DCDC1: variants seen among roughly 807,000 people sequenced by gnomAD.
DCDC1 encodes the protein doublecortin domain containing 1.
DCDC1 carries 200 observed loss-of-function variants against 178.3 expected under a neutral mutation model. That is an observed-to-expected ratio of 1.12 (90% CI 1.00 to 1.26). The LOEUF (loss-of-function observed/expected upper bound fraction) is 1.26, where lower values mean the gene tolerates loss of function less well. Among genes scored for constraint, DCDC1 ranks in the 50% most tolerant of loss-of-function variants. The pLI is 0.00. For synonymous variants in DCDC1, 690 were observed against 604.8 expected (o/e 1.14, Z -2.07); for missense variants, 1,983 against 1,749.2 (o/e 1.13, Z -2.38).
chr11:31,024,882 C>T (rs1270094140), intron 20 of DCDC1, among the ~76,000 whole-genome samples: 3 of 151,716 alleles, frequency 2.0e-5, no homozygotes, highest in Non-Finnish European at 3.0e-5. Context: ...CCCCCATGGT[C>T]GCGGCCTTGT....
rs577411437 is a variant in DCDC1, at chr11:30,989,912, G to A, written c.2592-37344C>T. On this transcript the variant is annotated intron_variant, in intron 20 of 38. Transcript: ENST00000684477. ...TGACAGGAAGAGACAATCCAGGGAA[G>A]ACTCGTGTCTTAATTTGGAGAGGTG... is the stretch of plus-strand genomic sequence containing the variant. Among the ~76,000 whole-genome samples, 34 of 152,230 alleles carry A rather than the reference G, an allele frequency of 2.2e-4. 1 individual carries two copies. The South Asian group carries it at 6.8e-3, about 31-fold the overall frequency.
At chr11:31,010,700 C>T (rs1345909451) in intron 20 of DCDC1, among the ~76,000 whole-genome samples, 3 of 152,094 alleles carry the variant, frequency 2.0e-5, no homozygotes, top group Admixed American at 2.0e-4. Context: ...ATAAACTGAC[C>T]TAACCAAATT....
intron 3 of DCDC1, among the ~76,000 whole-genome samples, chr11:31,323,407 T>G (rs754705262): frequency 6.6e-6 from 1 of 152,248 alleles, no homozygotes; most frequent in Non-Finnish European, 1.5e-5. Flanking sequence ...AGAATTTTTA[T>G]GGATAGCAAT....
chr11:31,085,626 T>C (rs1273253797), intron 17 of DCDC1, among the ~76,000 whole-genome samples: 1 of 152,176 alleles, frequency 6.6e-6, no homozygotes, highest in East Asian at 1.9e-4. Context: ...TGTTCACCTA[T>C]GGATGGGATG....
intron 6 of DCDC1, among the ~76,000 whole-genome samples, chr11:31,302,807 T>C (rs1024711825): frequency 1.8e-4 from 27 of 152,182 alleles, no homozygotes; most frequent in Non-Finnish European, 5.9e-5. Flanking sequence ...TATAGGATTT[T>C]TTCTGTCTTA....
intron 2 of DCDC1, among the ~76,000 whole-genome samples, chr11:31,332,551 T>A (rs911022061): frequency 3.3e-5 from 5 of 152,238 alleles, no homozygotes; most frequent in Non-Finnish European, 5.9e-5. Context: ...CTGCTTTAAA[T>A]GTGTCCCAGA....
chr11:30,962,197 T>G (rs1949143493), intron 20 of DCDC1, among the ~76,000 whole-genome samples: 1 of 152,116 alleles, frequency 6.6e-6, no homozygotes, highest in South Asian at 2.1e-4. Context: ...AAGCCAAAAT[T>G]TACAAAGATC....
At chr11:30,977,848 T>C (rs949643236) in intron 20 of DCDC1, among the ~76,000 whole-genome samples, 1 of 152,170 alleles carries the variant, frequency 6.6e-6, no homozygotes, top group African/African-American at 2.4e-5. Flanking sequence ...GAGGATGACT[T>C]GAGCCCAGGA....
At chr11:31,155,157 A>C (rs1965591190) in intron 9 of DCDC1, among the ~76,000 whole-genome samples, 1 of 152,228 alleles carries the variant, frequency 6.6e-6, no homozygotes, top group Non-Finnish European at 1.5e-5. Flanking sequence ...GAATCTGGAT[A>C]CTAAAGAGGA....
intron 17 of DCDC1, among the ~76,000 whole-genome samples, chr11:31,080,960 C>T (rs773361007): frequency 6.6e-6 from 1 of 152,080 alleles, no homozygotes; most frequent in Non-Finnish European, 1.5e-5. Flanking sequence ...GTCTTTTTAT[C>T]GAATTACGGT....
At chr11:31,046,615 G>GAAAAA (rs4067329) in intron 20 of DCDC1, among the ~76,000 whole-genome samples, 1,466 of 140,454 alleles carry the variant, frequency 0.01, 16 homozygotes, top group Non-Finnish European at 0.015. Context: ...GCCTCAGTAA[G>GAAAAA]AAAAAAAAAA....
At chr11:31,255,637 C>T (rs987450920) in intron 8 of DCDC1, among the ~76,000 whole-genome samples, 2 of 152,086 alleles carry the variant, frequency 1.3e-5, no homozygotes, top group African/African-American at 4.8e-5. Context: ...TTTGGGAAAA[C>T]GTTGATTCAA....
intron 20 of DCDC1, among the ~76,000 whole-genome samples, chr11:31,047,770 T>C (rs1044822088): frequency 6.6e-6 from 1 of 152,184 alleles, no homozygotes; most frequent in Non-Finnish European, 1.5e-5. Context: ...TAATACTATA[T>C]AGTACAATTC....
chr11:31,332,480 A>G (rs1461629011), intron 2 of DCDC1, among the ~76,000 whole-genome samples: 1 of 152,088 alleles, frequency 6.6e-6, no homozygotes, highest in East Asian at 1.9e-4. Flanking sequence ...TAGGGTGTCA[A>G]TTTTAGATCT....
chr11:30,957,142 C>CCTTAT (rs1191084614), intron 20 of DCDC1, among the ~76,000 whole-genome samples: 1 of 152,072 alleles, frequency 6.6e-6, no homozygotes, highest in African/African-American at 2.4e-5. Context: ...TGCCTCGGAC[C>CCTTAT]CTTATCCTCC....
intron 10 of DCDC1, among the ~76,000 whole-genome samples, chr11:31,136,598 C>T (rs976601177): frequency 6.6e-6 from 1 of 151,886 alleles, no homozygotes; most frequent in East Asian, 1.9e-4. Flanking sequence ...ACCAAAATAT[C>T]AAAAAAGAAA....
chr11:30,933,355 T>C (rs1260564512), intron 21 of DCDC1, among the ~76,000 whole-genome samples: 1 of 152,130 alleles, frequency 6.6e-6, no homozygotes, highest in Non-Finnish European at 1.5e-5. Flanking sequence ...TATATTTTGT[T>C]AATATTTTTT....
intron 3 of DCDC1, among the ~76,000 whole-genome samples, chr11:31,325,203 G>A (rs1480978430): frequency 6.6e-6 from 1 of 152,102 alleles, no homozygotes. Flanking sequence ...TCCAGCATTT[G>A]GAGTGCTGGA....
At position 30,899,609 on chromosome 11, in the gene DCDC1, T is replaced by G; in HGVS notation, c.4697A>C (p.Asn1566Thr). ...LQKAEKLEKQ[N>T]WLKKDRILAD... The stretch of plus-strand genomic sequence containing the variant: ...CAAAATTCTGTCCTTTTTTAGCCAG[T>G]TCTGTTTCTCTAATTTTTCTGCTTT... Residue 1566 changes from asparagine to threonine, a missense_variant, in exon 34 of 39, where the codon AAC (asparagine) becomes ACC (threonine). Coordinates refer to ENST00000684477, the MANE Select transcript of DCDC1 (RefSeq NM_001387274.1). 2 of 1,573,720 alleles carry G rather than the reference T, an allele frequency of 1.3e-6. No individual in the cohort carries two copies. The highest frequency in any genetic ancestry group is 1.7e-6 in the Non-Finnish European group (2 of 1,159,322).
Sources: gnomAD v4.1 joint callset for allele counts (sites outside exome capture counted in the v4.1 genomes callset) on GRCh38, gnomAD v4.1.1 for gene constraint, MANE v1.5 for transcripts, NCBI Gene and HGNC (gene_info 2026-07-23, HGNC 2026-07-21) for gene names.